Variants in DLG1 observed in about 807,000 individuals in gnomAD.
The protein encoded by DLG1 is disks large homolog 1.
Under a neutral mutation model 123.4 loss-of-function variants are expected in DLG1, and 42 were observed. The observed-to-expected ratio is 0.34, with a 90% CI of 0.27 to 0.44. DLG1 has a LOEUF of 0.44. DLG1 is among the 20% of genes least tolerant of loss of function. DLG1 has a pLI of 1.00. For missense variants in DLG1, 942 were observed against 1,082.6 expected, an observed-to-expected ratio of 0.87 and a Z score of 1.82; for synonymous variants, 317 against 356.2, an observed-to-expected ratio of 0.89 and a Z score of 1.24.
intron 1 of DLG1, chr3:197,297,485 C>A: frequency 7.6e-7 from 1 of 1,312,282 alleles, no homozygotes; most frequent in South Asian, 1.6e-5. Flanking sequence ...GCGTCCCCTC[C>A]CCAAAGAGCC....
chr3:197,187,700 T>C (rs1053260524), intron 5 of DLG1, among the ~76,000 whole-genome samples: 3 of 152,182 alleles, frequency 2.0e-5, no homozygotes, highest in Non-Finnish European at 2.9e-5. Context: ...TTCAAACTTT[T>C]TGGGAAAAGG....
chr3:197,228,401 C>G (rs1741064778), intron 4 of DLG1, among the ~76,000 whole-genome samples: 1 of 152,210 alleles, frequency 6.6e-6, no homozygotes, highest in South Asian at 2.1e-4. Flanking sequence ...AGCCTGTGCT[C>G]TTAATACAGT....
Position 197,076,633 on chromosome 3 carries a change from A to T in DLG1, c.1958T>A (p.Phe653Tyr), listed in dbSNP as rs1418182155. ...CTCACTCTGGTCCTTGTTCTTGTAG[A>T]AGGGGAATTTTCGGGAAAAGAGGTT... The part of the protein sequence containing the change: ...KKNLFSRKFP[F>Y]YKNKDQSEQE... The change falls in exon 18 of 25, where the codon TTC (phenylalanine) becomes TAC (tyrosine). Residue 653 changes from phenylalanine (F) to tyrosine (Y), a missense_variant. Physicochemically the swap from Phe to Tyr is conservative, Grantham distance 22 (BLOSUM62 3). Transcript: ENST00000667157. 6.2e-7 allele frequency: 1 copy of T among 1,613,050 alleles called. No individual in the cohort carries two copies. The highest frequency in any genetic ancestry group is 8.5e-7 in the Non-Finnish European group (1 of 1,179,328).
At chr3:197,242,346 C>T (rs1377922921) in intron 4 of DLG1, among the ~76,000 whole-genome samples, 2 of 151,964 alleles carry the variant, frequency 1.3e-5, no homozygotes, top group Non-Finnish European at 2.9e-5. Flanking sequence ...TAGTAGGAGA[C>T]TTTAATACCC....
intron 15 of DLG1, among the ~76,000 whole-genome samples, chr3:197,087,810 T>G (rs1277261821): frequency 6.6e-6 from 1 of 152,200 alleles, no homozygotes; most frequent in African/African-American, 2.4e-5. Context: ...GATAAGTTAC[T>G]GTACTAAAAA....
Position 197,279,015 on chromosome 3 carries a change from A to G in DLG1, c.318+3664T>C, listed in dbSNP as rs552958418. On this transcript the variant is annotated intron_variant, in intron 4 of 24. Coordinates refer to ENST00000667157, the MANE Select transcript of DLG1 (RefSeq NM_001366207.1). Reference sequence around the variant, plus strand: ...TTGATTTTCAAATTTTTCAAGTTATAGTACAATAAACTTTAAGTTTTAAGT... The same window carrying G: ...TTGATTTTCAAATTTTTCAAGTTATGGTACAATAAACTTTAAGTTTTAAGT... Among the ~76,000 whole-genome samples, 6 of 152,348 alleles carry G rather than the reference A, an allele frequency of 3.9e-5. No individual in the cohort carries two copies. The East Asian group carries it at 1.2e-3, about 29-fold the overall frequency.
At position 197,059,895 on chromosome 3, in the gene DLG1, T is replaced by G; in HGVS notation, c.2477A>C (p.Asn826Thr). 1 of 1,609,338 alleles carries G rather than the reference T, an allele frequency of 6.2e-7. No individual in the cohort carries two copies. Among genetic ancestry groups the G allele is most frequent in the Non-Finnish European group, 8.5e-7 (1 of 1,175,920 alleles). Residue 826 changes from asparagine to threonine, a missense_variant, in exon 23 of 25, where the codon AAT becomes ACT. Coordinates refer to ENST00000667157, the MANE Select transcript of DLG1 (RefSeq NM_001366207.1). ...CTTAGGCATTTACACTTACATGATA[T>G]TTTCCATGGATTTGGGTTTAATAAA... ...SIFIKPKSME[N>T]IMEMNKRLTE...
chr3:197,058,531 C>T (rs1222604510), intron 23 of DLG1, among the ~76,000 whole-genome samples: 1 of 152,140 alleles, frequency 6.6e-6, no homozygotes, highest in Admixed American at 6.5e-5. Flanking sequence ...TGAGGATTTT[C>T]TAGTTATCTT....
chr3:197,069,067 T>G (rs1308718383), intron 19 of DLG1, 152 bp downstream of exon 19: 2 of 457,312 alleles, frequency 4.4e-6, no homozygotes, highest in South Asian at 6.4e-5. Context: ...GATTTTATTT[T>G]TCAAGTACAG....
At chr3:197,085,099 A>G (rs936407186) in intron 16 of DLG1, among the ~76,000 whole-genome samples, 7 of 151,344 alleles carry the variant, frequency 4.6e-5, no homozygotes, top group African/African-American at 7.3e-5. Flanking sequence ...AATTGTATAT[A>G]TTTAAGTTGT....
intron 17 of DLG1, among the ~76,000 whole-genome samples, chr3:197,077,230 A>AATAT (rs10662550): frequency 1.7e-4 from 25 of 149,646 alleles, no homozygotes; most frequent in Admixed American, 4.0e-4. Flanking sequence ...TTAAAAAACA[A>AATAT]ATATATATAT....
chr3:197,280,628 A>G (rs1197791541), intron 4 of DLG1, among the ~76,000 whole-genome samples: 5 of 152,320 alleles, frequency 3.3e-5, no homozygotes, highest in South Asian at 2.1e-4. Context: ...TTCACTTTCA[A>G]TGGTTACATT....
Position 197,065,557 on chromosome 3 carries a change from A to C in DLG1, c.2201-109T>G. Reference sequence around the variant, plus strand: ...AAAGTTCAACAGAACAGATTAATTTAAATCTGAGAAAGGACAATAATATGG... The same window carrying C: ...AAAGTTCAACAGAACAGATTAATTTCAATCTGAGAAAGGACAATAATATGG... On this transcript the variant is annotated intron_variant, in intron 21 of 24. Coordinates refer to ENST00000667157, the MANE Select transcript of DLG1 (RefSeq NM_001366207.1). 2.8e-6 allele frequency: 3 copies of C among 1,083,088 alleles called. No individual in the cohort carries two copies. In the South Asian group the frequency reaches 4.8e-5, roughly 17 times the overall value. 67.1% of individuals were successfully genotyped at this position (1,083,088 alleles called of 1,614,324 possible). A position where few individuals can be genotyped will look rare whatever the true frequency, so the allele number is the denominator to read the frequency against.
rs767745159 is a variant in DLG1, at chr3:197,142,758, G to A, written c.548C>T (p.Thr183Ile). Residue 183 changes from threonine to isoleucine, a missense_variant, in exon 7 of 25, where the codon ACA becomes ATA. Thr to Ile is a moderately conservative substitution (Grantham distance 89). Coordinates refer to ENST00000667157, the MANE Select transcript of DLG1 (RefSeq NM_001366207.1). ...TTCTTCATATTCATAATCTGCATCT[G>A]TGCCATTAACCTACAGGGGAAAAGA... ...SLETPTYVNG[T>I]DADYEYEEIT... The A allele has an allele frequency of 5.0e-6, 8 of 1,608,508 alleles. No individual in the cohort carries two copies. In the Admixed American group the frequency reaches 5.1e-5, roughly 10 times the overall value.
At chr3:197,207,080 T>C (rs1728911169) in intron 4 of DLG1, among the ~76,000 whole-genome samples, 1 of 152,220 alleles carries the variant, frequency 6.6e-6, no homozygotes, top group Non-Finnish European at 1.5e-5. Flanking sequence ...GCTGCCTCTG[T>C]GATGCGGTGG....
At chr3:197,274,358 C>T (rs924659884) in intron 4 of DLG1, among the ~76,000 whole-genome samples, 10 of 151,994 alleles carry the variant, frequency 6.6e-5, no homozygotes, top group East Asian at 3.8e-4. Flanking sequence ...ACAGTCTCTT[C>T]GATAAATGGT....
In DLG1 at chr3:197,282,847, T is replaced by C; in HGVS notation, c.152-2A>G. The C allele has an allele frequency of 1.3e-6, 2 of 1,484,354 alleles. No individual in the cohort carries two copies. Among genetic ancestry groups the C allele is most frequent in the Non-Finnish European group, 1.8e-6 (2 of 1,088,756 alleles). The allele number at this position is 1,484,354 out of a possible 1,614,324, so 91.9% of individuals were successfully genotyped here. A position where few individuals can be genotyped will look rare whatever the true frequency, so the allele number is the denominator to read the frequency against. ...TCACTTCATAAAATTCTTGAATATC[T>C]AGAAGAAGGAAAATAAAAATTCATA... On this transcript the variant is annotated splice_acceptor_variant, in intron 3 of 24. Coordinates refer to ENST00000667157, the MANE Select transcript of DLG1 (RefSeq NM_001366207.1). LOFTEE classifies it high-confidence loss of function.
chr3:197,296,490 A>T lies in DLG1; in HGVS notation c.20-13T>A, dbSNP rs753225940. On this transcript the variant is annotated splice_polypyrimidine_tract_variant and intron_variant, in intron 2 of 24. Coordinates refer to ENST00000667157, the MANE Select transcript of DLG1 (RefSeq NM_001366207.1). ...GCTCTCTGGGTATCTGAGAAGAAAA[A>T]GCAGAGCCTGATTAAAACTCTCTAT... The T allele has an allele frequency of 6.2e-7, 1 of 1,612,226 alleles. No homozygotes were observed. The highest frequency in any genetic ancestry group is 1.1e-5 in the South Asian group (1 of 90,704).
At chr3:197,050,754 G>C (rs891086160) in intron 24 of DLG1, among the ~76,000 whole-genome samples, 2 of 152,162 alleles carry the variant, frequency 1.3e-5, no homozygotes, top group African/African-American at 4.8e-5. Context: ...TACAGCAGTA[G>C]TGACTATTGT....
Sources: allele counts gnomAD v4.1 joint callset (sites outside exome capture counted in the v4.1 genomes callset), GRCh38; gene constraint gnomAD v4.1.1; transcripts MANE v1.5; gene names NCBI Gene and HGNC (gene_info 2026-07-23, HGNC 2026-07-21).